Variants in RBFOX1 observed in about 807,000 individuals in gnomAD.
RBFOX1 encodes RNA binding protein fox-1 homolog 1.
In RBFOX1, 8 loss-of-function variants were observed where a neutral mutation model predicts 57.7. That is an observed-to-expected ratio of 0.14 (90% confidence interval 0.08 to 0.25). The LOEUF is 0.25. Ranked by LOEUF, RBFOX1 falls within the 10% of genes least tolerant of loss-of-function variation. The probability of loss-of-function intolerance (pLI) is 1.00; values close to 1 mark genes in which losing one functional copy is unlikely to be tolerated. For synonymous variants in RBFOX1, 326 were observed against 222.4 expected (o/e 1.47, Z -4.15); for missense variants, 611 against 548.5 (o/e 1.11, Z -1.14).
chr16:6,391,443 G>C (rs1194176529), intron 2 of RBFOX1, among the ~76,000 whole-genome samples: 1 of 151,190 alleles, frequency 6.6e-6, no homozygotes, highest in Non-Finnish European at 1.5e-5. Flanking sequence ...CCGGGAGGTG[G>C]AGCTTGCAGT....
At chr16:6,732,840 G>T (rs1266961921) in intron 3 of RBFOX1, among the ~76,000 whole-genome samples, 1 of 152,088 alleles carries the variant, frequency 6.6e-6, no homozygotes, top group Admixed American at 6.5e-5. Flanking sequence ...TTTTACCTTG[G>T]ACAGCCATTA....
chr16:7,432,544 G>A (rs1237533596), intron 4 of RBFOX1, among the ~76,000 whole-genome samples: 1 of 152,184 alleles, frequency 6.6e-6, no homozygotes, highest in East Asian at 1.9e-4. Context: ...TAAAGGACCA[G>A]AGAGTAACAC....
intron 3 of RBFOX1, among the ~76,000 whole-genome samples, chr16:6,702,081 C>T (rs894675855): frequency 9.2e-5 from 14 of 152,088 alleles, no homozygotes; most frequent in Non-Finnish European, 1.9e-4. Flanking sequence ...TGCACATGTA[C>T]CCCTGAATCT....
intron 4 of RBFOX1, among the ~76,000 whole-genome samples, chr16:7,331,748 A>T (rs1425119281): frequency 2.0e-5 from 3 of 152,184 alleles, no homozygotes; most frequent in African/African-American, 7.2e-5. Context: ...GTTCAAGATC[A>T]CACAGCTAGT....
At chr16:5,969,084 G>A (rs556973810) in intron 4 of RBFOX1, among the ~76,000 whole-genome samples, 1 of 151,822 alleles carries the variant, frequency 6.6e-6, no homozygotes, top group African/African-American at 2.4e-5. Flanking sequence ...TCATTTTTAT[G>A]CCTTTCTAAT....
At chr16:6,438,091 C>T (rs928439422) in intron 2 of RBFOX1, among the ~76,000 whole-genome samples, 7 of 152,200 alleles carry the variant, frequency 4.6e-5, no homozygotes, top group African/African-American at 1.7e-4. Flanking sequence ...TGTATTTCTA[C>T]TGATGTCTCA....
At position 7,331,194 on chromosome 16, in the gene RBFOX1, A is replaced by G. The variant is rs957136881; in HGVS notation, c.28-186953A>G. Among the ~76,000 whole-genome samples, 68 of 152,210 alleles carry G rather than the reference A, an allele frequency of 4.5e-4. 1 individual carries two copies. Among genetic ancestry groups the G allele is most frequent in the African/African-American group, 1.6e-3 (66 of 41,454 alleles). ...AGTGTAGTGTAAAAACACCTTGGCT[A>G]TCTGAAAGTGGAGGAATTGACATTT... On this transcript the variant is annotated intron_variant, in intron 4 of 15. Coordinates refer to ENST00000550418, the MANE Select transcript of RBFOX1 (RefSeq NM_018723.4).
intron 4 of RBFOX1, among the ~76,000 whole-genome samples, chr16:5,912,560 C>T (rs80332147): frequency 0.032 from 4,812 of 152,268 alleles, 247 homozygotes; most frequent in African/African-American, 0.11. Context: ...AAGTCATTTT[C>T]CTACTCATGA....
intron 3 of RBFOX1, among the ~76,000 whole-genome samples, chr16:6,849,573 A>G (rs1173124700): frequency 1.3e-5 from 2 of 152,152 alleles, no homozygotes; most frequent in African/African-American, 4.8e-5. Context: ...ACAGGCTGAG[A>G]CAGGAGAATT....
At chr16:5,318,781 C>T (rs938382452) in intron 1 of RBFOX1, among the ~76,000 whole-genome samples, 2 of 152,134 alleles carry the variant, frequency 1.3e-5, no homozygotes, top group Non-Finnish European at 2.9e-5. Flanking sequence ...GTTTGGCTGA[C>T]CTTAACATAG....
At chr16:5,719,042 G>A (rs1171640469) in intron 3 of RBFOX1, among the ~76,000 whole-genome samples, 1 of 151,754 alleles carries the variant, frequency 6.6e-6, no homozygotes, top group Non-Finnish European at 1.5e-5. Flanking sequence ...ATGTGTATAA[G>A]TGACTGGCAG....
intron 1 of RBFOX1, among the ~76,000 whole-genome samples, chr16:5,316,854 G>A (rs1291316254): frequency 6.6e-6 from 1 of 152,294 alleles, no homozygotes; most frequent in South Asian, 2.1e-4. Context: ...CAGGTGAGCC[G>A]GTGCACTGAG....
At chr16:6,847,729 A>T (rs952615290) in intron 3 of RBFOX1, among the ~76,000 whole-genome samples, 1 of 152,110 alleles carries the variant, frequency 6.6e-6, no homozygotes, top group African/African-American at 2.4e-5. Flanking sequence ...TCAACCTGTG[A>T]ATGCTTACAC....
intron 5 of RBFOX1, among the ~76,000 whole-genome samples, chr16:7,547,585 A>G (rs1022200201): frequency 7.2e-5 from 11 of 152,310 alleles, no homozygotes; most frequent in Non-Finnish European, 1.6e-4. Flanking sequence ...TAGTCAGTTG[A>G]CCACACTGCT....
At chr16:5,592,282 C>A (rs1209987074) in intron 2 of RBFOX1, among the ~76,000 whole-genome samples, 1 of 151,736 alleles carries the variant, frequency 6.6e-6, no homozygotes, top group Non-Finnish European at 1.5e-5. Context: ...TGCCCTTTGT[C>A]TTCTACTTTG....
At chr16:6,658,035 A>T (rs767062082) in intron 3 of RBFOX1, among the ~76,000 whole-genome samples, 2 of 152,110 alleles carry the variant, frequency 1.3e-5, no homozygotes, top group East Asian at 3.9e-4. Flanking sequence ...ATTGTTGAAT[A>T]TCTTCTTGAT....
intron 3 of RBFOX1, among the ~76,000 whole-genome samples, chr16:6,724,613 G>C (rs1056242571): frequency 3.9e-5 from 6 of 152,134 alleles, no homozygotes; most frequent in Non-Finnish European, 7.4e-5. Context: ...ATAAATTTCT[G>C]TTATTTAGAA....
At chr16:7,552,938 C>A (rs1289995217) in intron 5 of RBFOX1, among the ~76,000 whole-genome samples, 2 of 152,122 alleles carry the variant, frequency 1.3e-5, no homozygotes, top group African/African-American at 4.8e-5. Context: ...CCGCCTCGGA[C>A]TCCCAAAGCA....
rs142563196 is a variant in RBFOX1, at chr16:6,493,630, A to G, written c.-63-160973A>G. Among the ~76,000 whole-genome samples, 41 of 152,340 alleles carry G rather than the reference A, an allele frequency of 2.7e-4. No individual in the cohort carries two copies. The East Asian group carries it at 7.3e-3, about 27-fold the overall frequency. ...ATATTTATGAAAACACTGCAGTAAC[A>G]AAACCCTTTATATAGCCTTTCAATT... On this transcript the variant is annotated intron_variant, in intron 2 of 15. Transcript: ENST00000550418.
Sources: allele counts gnomAD v4.1 joint callset (sites outside exome capture counted in the v4.1 genomes callset), GRCh38; gene constraint gnomAD v4.1.1; transcripts MANE v1.5; gene names NCBI Gene and HGNC (gene_info 2026-07-23, HGNC 2026-07-21).